The following MIS18BP1 variants were observed in gnomAD, a reference collection of about 807,000 sequenced individuals.
MIS18BP1 encodes mis18-binding protein 1.
MIS18BP1 carries 72 observed loss-of-function variants against 116.1 expected under a neutral mutation model. The ratio of observed to expected loss-of-function variants is 0.62; its 90% CI spans 0.51 to 0.75. The LOEUF (loss-of-function observed/expected upper bound fraction) is 0.75, where lower values mean the gene tolerates loss of function less well. MIS18BP1 is among the 30% of genes least tolerant of loss of function. The pLI is 0.00. For synonymous variants in MIS18BP1, 386 were observed against 427.0 expected, an observed-to-expected ratio of 0.90 and a Z score of 1.18; for missense variants, 1,363 against 1,303.2, an observed-to-expected ratio of 1.05 and a Z score of -0.71.
intron 11 of MIS18BP1, among the ~76,000 whole-genome samples, chr14:45,222,208 G>C (rs1890994368): frequency 6.6e-6 from 1 of 151,864 alleles, no homozygotes; most frequent in Non-Finnish European, 1.5e-5. Flanking sequence ...CTTTTAATTG[G>C]TATGTTTAGA....
At chr14:45,252,058 G>GA (rs746527750) in intron 1 of MIS18BP1, among the ~76,000 whole-genome samples, 9 of 152,000 alleles carry the variant, frequency 5.9e-5, no homozygotes, top group Non-Finnish European at 1.2e-4. Context: ...CTCCCAATTT[G>GA]AAAAAAGAGA....
chr14:45,227,877 A>G (rs1381047292), intron 8 of MIS18BP1, 63 bp from the exon 9 acceptor site: 21 of 1,533,302 alleles, frequency 1.4e-5, no homozygotes, highest in East Asian at 2.3e-5. Context: ...GCTTTTCTAC[A>G]TGAAGAATTA....
At chr14:45,250,696 A>C (rs988746643) in intron 1 of MIS18BP1, among the ~76,000 whole-genome samples, 1 of 152,256 alleles carries the variant, frequency 6.6e-6, no homozygotes, top group African/African-American at 2.4e-5. Context: ...TTTTCAACAT[A>C]AAGACATGGG....
chr14:45,225,801 A>G (rs375466614), intron 10 of MIS18BP1, among the ~76,000 whole-genome samples: 31 of 152,326 alleles, frequency 2.0e-4, no homozygotes, highest in African/African-American at 7.2e-4. Flanking sequence ...ATAAACTGCA[A>G]ATCATCCCAC....
chr14:45,205,763 G>T (rs1350469287), intron 15 of MIS18BP1, among the ~76,000 whole-genome samples: 2 of 152,140 alleles, frequency 1.3e-5, no homozygotes, highest in African/African-American at 4.8e-5. Flanking sequence ...TCCTTGAACA[G>T]GATTGTTTTT....
intron 2 of MIS18BP1, among the ~76,000 whole-genome samples, chr14:45,243,684 C>T (rs1322997315): frequency 1.3e-5 from 2 of 152,096 alleles, no homozygotes; most frequent in African/African-American, 2.4e-5. Flanking sequence ...ATTATAACAA[C>T]GTGTCACAAA....
Position 45,206,114 on chromosome 14 carries a change from C to T in MIS18BP1, c.3209G>A (p.Gly1070Asp). ...RMQKYHKSNG[G>D]IVWGNIKKKL... ...TTTCTTGATGTTGCCCCAGACAATA[C>T]CACCATTACTTTTATGATATTTTTG... Residue 1070 changes from glycine to aspartate, a missense_variant, in exon 15 of 17, where the codon GGT (glycine) becomes GAT (aspartate). Transcript: ENST00000310806. The T allele has an allele frequency of 6.2e-7, 1 of 1,607,976 alleles. No individual in the cohort carries two copies. Among genetic ancestry groups the T allele is most frequent in the Non-Finnish European group, 8.5e-7 (1 of 1,175,260 alleles).
intron 4 of MIS18BP1, among the ~76,000 whole-genome samples, chr14:45,240,110 T>C (rs903314457): frequency 4.6e-5 from 7 of 151,976 alleles, no homozygotes; most frequent in Non-Finnish European, 8.8e-5. Context: ...TGGAAACATA[T>C]TGGAGAGCTA....
chr14:45,204,071 T>C lies in MIS18BP1; in HGVS notation c.*38A>G. On this transcript the variant is annotated 3_prime_UTR_variant, in exon 17 of 17. Coordinates refer to ENST00000310806, the MANE Select transcript of MIS18BP1 (RefSeq NM_018353.5). ...TTGAAAATACAAACACTGTCTGCTT[T>C]ATGGTAAAAATCCCAGGAATCATAT... is the stretch of plus-strand genomic sequence containing the variant. The C allele has an allele frequency of 6.3e-7, 1 of 1,597,954 alleles. No homozygotes were observed. The highest frequency in any genetic ancestry group is 8.5e-7 in the Non-Finnish European group (1 of 1,173,550).
intron 2 of MIS18BP1, among the ~76,000 whole-genome samples, chr14:45,244,926 AG>A (rs1891684382): frequency 1.3e-5 from 2 of 152,226 alleles, no homozygotes; most frequent in Admixed American, 1.3e-4. Flanking sequence ...CAACTACTGA[AG>A]GGCATCATAC....
intron 11 of MIS18BP1, among the ~76,000 whole-genome samples, chr14:45,221,613 GA>G (rs1398184228): frequency 6.6e-6 from 1 of 152,010 alleles, no homozygotes; most frequent in African/African-American, 2.4e-5. Context: ...TATCATCAGA[GA>G]ATATGCTTTG....
At chr14:45,222,972 C>T (rs1436613132) in intron 11 of MIS18BP1, among the ~76,000 whole-genome samples, 1 of 152,216 alleles carries the variant, frequency 6.6e-6, no homozygotes, top group African/African-American at 2.4e-5. Context: ...AGAAGGTTCT[C>T]ATCTCTCAGA....
chr14:45,232,525 T>C lies in MIS18BP1; in HGVS notation c.1436+208A>G, dbSNP rs191124137. The C allele has an allele frequency of 2.7e-5, 14 of 515,670 alleles. No homozygotes were observed. In the Admixed American group the frequency reaches 4.3e-4, roughly 16 times the overall value. 31.9% of individuals were successfully genotyped at this position (515,670 alleles called of 1,614,324 possible). ...AAATTGTACCTCAGGCCAGGCACAG[T>C]GGCTCATGCCTGTAATCCCAACACT... On this transcript the variant is annotated intron_variant, in intron 7 of 16. Coordinates refer to ENST00000310806, the MANE Select transcript of MIS18BP1 (RefSeq NM_018353.5).
chr14:45,233,974 TAAAAG>T (rs1185970648), intron 6 of MIS18BP1, among the ~76,000 whole-genome samples: 3 of 151,988 alleles, frequency 2.0e-5, no homozygotes, highest in African/African-American at 7.3e-5. Context: ...CGCAGTGTAT[TAAAAG>T]AAAGAGCCCC....
At chr14:45,231,092 T>C (rs746520636) in intron 8 of MIS18BP1, 49 bp downstream of exon 8, 1 of 1,572,866 alleles carries the variant, frequency 6.4e-7, no homozygotes, top group South Asian at 1.1e-5. Flanking sequence ...ATGTAGACCA[T>C]GTAAGAACTT....
chr14:45,220,244 C>A (rs1890936981), intron 11 of MIS18BP1, among the ~76,000 whole-genome samples: 1 of 152,130 alleles, frequency 6.6e-6, no homozygotes, highest in Admixed American at 6.5e-5. Flanking sequence ...ACTACAGGCA[C>A]ATACCCCACA....
At chr14:45,205,457 A>T (rs1009018944) in intron 15 of MIS18BP1, among the ~76,000 whole-genome samples, 2 of 152,152 alleles carry the variant, frequency 1.3e-5, no homozygotes, top group Non-Finnish European at 2.9e-5. Context: ...TATATATGAT[A>T]ATCAGTTATT....
rs902801164 is a variant in MIS18BP1, at chr14:45,242,340, T to C, written c.837A>G (p.Gln279=). The C allele has an allele frequency of 6.8e-6, 11 of 1,613,930 alleles. No homozygotes were observed. The highest frequency in any genetic ancestry group is 6.7e-5 in the African/African-American group (5 of 74,914). The part of the protein sequence containing the change: ...VLESVDSADE[Q]FQNTNAETLS... ...GAGTCTCAGCATTAGTATTTTGAAA[T>C]TGTTCATCAGCAGAATCAACGCTTT... Residue 279 remains glutamine, a synonymous_variant, in exon 4 of 17, where the codon CAA becomes CAG. Coordinates refer to ENST00000310806, the MANE Select transcript of MIS18BP1 (RefSeq NM_018353.5).
Position 45,246,975 on chromosome 14 carries a change from A to G in MIS18BP1, c.312T>C (p.Asn104=). The stretch of plus-strand genomic sequence containing the variant: ...TTCCTGGTGATTCATAGTTTGCTTT[A>G]TTTTTTAATCCATCCTTGTTGGGCT... ...AIKPNKDGLK[N]KANYESPGKI... The change falls in exon 2 of 17, where the codon AAT becomes AAC. Residue 104 remains asparagine (N), a synonymous_variant. Coordinates refer to ENST00000310806, the MANE Select transcript of MIS18BP1 (RefSeq NM_018353.5). 1.2e-6 allele frequency: 2 copies of G among 1,609,490 alleles called. No homozygotes were observed. Among genetic ancestry groups the G allele is most frequent in the Non-Finnish European group, 8.5e-7 (1 of 1,179,030 alleles).
Sources: allele counts gnomAD v4.1 joint callset (sites outside exome capture counted in the v4.1 genomes callset), GRCh38; gene constraint gnomAD v4.1.1; transcripts MANE v1.5; gene names NCBI Gene and HGNC (gene_info 2026-07-23, HGNC 2026-07-21).